PLCB1: variants seen among roughly 807,000 people sequenced by gnomAD.
The protein encoded by PLCB1 is 1-phosphatidylinositol 4,5-bisphosphate phosphodiesterase beta-1.
A neutral mutation model predicts 161.8 loss-of-function variants in PLCB1; 46 were observed. The ratio of observed to expected loss-of-function variants is 0.28; its 90% CI spans 0.22 to 0.36. PLCB1 has a LOEUF of 0.36. Ranked by LOEUF, PLCB1 falls within the 10% of genes least tolerant of loss-of-function variation. PLCB1 has a pLI of 1.00. For missense variants in PLCB1, 1,016 were observed against 1,472.5 expected, an observed-to-expected ratio of 0.69 and a Z score of 5.07; for synonymous variants, 517 against 503.7, an observed-to-expected ratio of 1.03 and a Z score of -0.35.
intron 2 of PLCB1, among the ~76,000 whole-genome samples, chr20:8,363,147 C>T (rs1986597372): frequency 6.6e-6 from 1 of 152,116 alleles, no homozygotes; most frequent in Non-Finnish European, 1.5e-5. Flanking sequence ...TGCATTAGAA[C>T]TTGGAAACAA....
intron 4 of PLCB1, among the ~76,000 whole-genome samples, chr20:8,631,346 T>C (rs1175727137): frequency 1.3e-5 from 2 of 152,158 alleles, no homozygotes; most frequent in Non-Finnish European, 2.9e-5. Context: ...GCAAAATCCA[T>C]GAAAGGTGTT....
At position 8,579,094 on chromosome 20, in the gene PLCB1, T is replaced by G. The variant is rs6140641; in HGVS notation, c.247-49200T>G. ...GACTGATTGCATTATTGGCCCCAAT[T>G]CTTCATCATTACTACCTCCCTGGAT... On this transcript the variant is annotated intron_variant, in intron 3 of 31. Coordinates refer to ENST00000338037, the MANE Select transcript of PLCB1 (RefSeq NM_015192.4). Among the ~76,000 whole-genome samples the G allele has an allele frequency of 7.5e-3, 1,142 of 152,370 alleles. 44 individuals are homozygous for G. In the East Asian group the frequency reaches 0.1, roughly 14 times the overall value.
intron 3 of PLCB1, among the ~76,000 whole-genome samples, chr20:8,531,965 A>G (rs1432525829): frequency 3.3e-5 from 5 of 152,122 alleles, no homozygotes; most frequent in African/African-American, 1.2e-4. Context: ...TAGCAATGTA[A>G]AAATGATAGT....
chr20:8,195,685 G>A (rs146517910), intron 2 of PLCB1, among the ~76,000 whole-genome samples: 30 of 152,164 alleles, frequency 2.0e-4, no homozygotes, highest in Non-Finnish European at 3.7e-4. Flanking sequence ...GAATTTAATT[G>A]TTGTGACGTT....
At chr20:8,848,489 A>C (rs1296769035) in intron 31 of PLCB1, among the ~76,000 whole-genome samples, 1 of 136,152 alleles carries the variant, frequency 7.3e-6, no homozygotes, top group Non-Finnish European at 1.6e-5. Flanking sequence ...ATATGATTGA[A>C]AGGGGTTTAC....
intron 31 of PLCB1, among the ~76,000 whole-genome samples, chr20:8,797,375 G>A (rs1984078926): frequency 1.3e-5 from 2 of 150,246 alleles, no homozygotes; most frequent in South Asian, 4.2e-4. Context: ...AAGCAAATAT[G>A]GCTTCTGTCA....
At chr20:8,367,212 G>T (rs1986738741) in intron 2 of PLCB1, among the ~76,000 whole-genome samples, 1 of 152,166 alleles carries the variant, frequency 6.6e-6, no homozygotes, top group Non-Finnish European at 1.5e-5. Context: ...GATAGTTATA[G>T]ATTCTTCATA....
chr20:8,580,625 T>C (rs1321892199), intron 3 of PLCB1, among the ~76,000 whole-genome samples: 1 of 152,242 alleles, frequency 6.6e-6, no homozygotes, highest in East Asian at 1.9e-4. Context: ...TAATATGCTT[T>C]AATAATGATT....
At chr20:8,267,958 C>CA (rs1982059562) in intron 2 of PLCB1, among the ~76,000 whole-genome samples, 2 of 108,928 alleles carry the variant, frequency 1.8e-5, no homozygotes, top group African/African-American at 7.1e-5. Context: ...TTCCATCTGT[C>CA]TTTATTATTA....
At chr20:8,252,804 C>G (rs923764328) in intron 2 of PLCB1, among the ~76,000 whole-genome samples, 1 of 151,928 alleles carries the variant, frequency 6.6e-6, no homozygotes, top group African/African-American at 2.4e-5. Context: ...CAGCATTAAG[C>G]TATGCCATGA....
intron 3 of PLCB1, among the ~76,000 whole-genome samples, chr20:8,601,067 C>G (rs544755143): frequency 4.6e-5 from 7 of 150,734 alleles, no homozygotes; most frequent in Non-Finnish European, 1.0e-4. Flanking sequence ...TCTTCTGCGT[C>G]GCTCACGCTG....
chr20:8,188,491 C>G (rs1252035437), intron 2 of PLCB1, among the ~76,000 whole-genome samples: 31 of 152,048 alleles, frequency 2.0e-4, no homozygotes, highest in Admixed American at 2.0e-3. Context: ...ATGTTTAAGT[C>G]TAATTAGCAG....
At chr20:8,514,706 G>A (rs1254190123) in intron 3 of PLCB1, among the ~76,000 whole-genome samples, 2 of 151,966 alleles carry the variant, frequency 1.3e-5, no homozygotes, top group African/African-American at 4.8e-5. Context: ...GAAAATTGTG[G>A]CTAAAAGTTA....
chr20:8,388,582 C>A (rs1049901378), intron 3 of PLCB1, among the ~76,000 whole-genome samples: 3 of 152,144 alleles, frequency 2.0e-5, no homozygotes, highest in African/African-American at 7.2e-5. Flanking sequence ...AGGAGATCAA[C>A]CTTTGACCCT....
rs146589592 is a variant in PLCB1, at chr20:8,190,187, G to A, written c.177+39816G>A. Reference sequence around the variant, plus strand: ...CAATACCAGTGTACTGCAGAAGTATGCTCTGCATTCCTGTGTTTTGTTCAT... The same window carrying A: ...CAATACCAGTGTACTGCAGAAGTATACTCTGCATTCCTGTGTTTTGTTCAT... On this transcript the variant is annotated intron_variant, in intron 2 of 31. Coordinates refer to ENST00000338037, the MANE Select transcript of PLCB1 (RefSeq NM_015192.4). Among the ~76,000 whole-genome samples, 7 of 152,110 alleles carry A rather than the reference G, an allele frequency of 4.6e-5. No homozygotes were observed. The East Asian group carries it at 1.4e-3, about 29-fold the overall frequency.
chr20:8,632,047 T>TTTTG (rs1988612988), intron 4 of PLCB1, among the ~76,000 whole-genome samples: 2 of 89,182 alleles, frequency 2.2e-5, no homozygotes, highest in African/African-American at 7.8e-5. Flanking sequence ...TTTTTTTTTT[T>TTTTG]TTTTTTTTTT....
intron 1 of PLCB1, among the ~76,000 whole-genome samples, chr20:8,144,920 C>T (rs774929677): frequency 3.9e-5 from 6 of 152,126 alleles, no homozygotes; most frequent in Non-Finnish European, 4.4e-5. Context: ...ACATGAGAAT[C>T]GCTGTGGAGT....
intron 3 of PLCB1, among the ~76,000 whole-genome samples, chr20:8,378,046 T>G (rs141570485): frequency 1.3e-5 from 2 of 152,254 alleles, no homozygotes; most frequent in African/African-American, 2.4e-5. Context: ...CAAAAGAGAC[T>G]GAGAATGGTA....
At chr20:8,661,088 C>T (rs1010522553) in intron 9 of PLCB1, among the ~76,000 whole-genome samples, 2 of 152,114 alleles carry the variant, frequency 1.3e-5, no homozygotes, top group African/African-American at 4.8e-5. Flanking sequence ...TAACTCTTCT[C>T]AATGTTTTGA....
Sources: allele counts gnomAD v4.1 joint callset (sites outside exome capture counted in the v4.1 genomes callset), GRCh38; gene constraint gnomAD v4.1.1; transcripts MANE v1.5; gene names NCBI Gene and HGNC (gene_info 2026-07-23, HGNC 2026-07-21).